The following EXOC1 variants were observed in gnomAD, a reference collection of about 807,000 sequenced individuals.
EXOC1 encodes the protein SEC3-like 1.
Under a neutral mutation model 107.7 loss-of-function variants are expected in EXOC1, and 67 were observed. The observed-to-expected ratio is 0.62, with a 90% CI of 0.51 to 0.76. EXOC1 has a LOEUF of 0.76. Among genes scored for constraint, EXOC1 ranks in the 30% least tolerant of loss-of-function variants. EXOC1 has a pLI of 0.00. For synonymous variants in EXOC1, 348 were observed against 353.5 expected (o/e 0.98, Z 0.17); for missense variants, 833 against 1,055.7 (o/e 0.79, Z 2.92).
intron 2 of EXOC1, among the ~76,000 whole-genome samples, chr4:55,858,753 T>C (rs937235442): frequency 6.6e-6 from 1 of 152,210 alleles, no homozygotes; most frequent in African/African-American, 2.4e-5. Context: ...CTTTTACTCA[T>C]TTTTCTGTTG....
At chr4:55,869,017 A>T (rs1219618177) in intron 5 of EXOC1, among the ~76,000 whole-genome samples, 2 of 152,226 alleles carry the variant, frequency 1.3e-5, no homozygotes, top group Admixed American at 1.3e-4. Flanking sequence ...CTTCTTTGCT[A>T]AAATGTTTTA....
In EXOC1 at chr4:55,860,405, C is replaced by CA. The variant is rs773659699; in HGVS notation, c.125-4dup. 6.2e-6 allele frequency: 10 copies of CA among 1,613,076 alleles called. No homozygotes were observed. The African/African-American group carries it at 1.2e-4, about 19-fold the overall frequency. The stretch of plus-strand genomic sequence containing the variant: ...TTCTAATAAAAGTGTGCGTTTTACT[C>CA]AACAGTGACAACTGAACGCCCTGTG... On this transcript the variant is annotated splice_region_variant and splice_polypyrimidine_tract_variant and intron_variant, in intron 2 of 18. Transcript: ENST00000381295.
At chr4:55,862,974 C>G (rs963936362) in intron 3 of EXOC1, among the ~76,000 whole-genome samples, 1 of 152,126 alleles carries the variant, frequency 6.6e-6, no homozygotes, top group Non-Finnish European at 1.5e-5. Flanking sequence ...AATCTTGGCT[C>G]ACTGCAGCCT....
At chr4:55,878,852 A>G (rs1323524780) in intron 9 of EXOC1, among the ~76,000 whole-genome samples, 1 of 152,200 alleles carries the variant, frequency 6.6e-6, no homozygotes, top group Non-Finnish European at 1.5e-5. Context: ...AAGATGAGCT[A>G]TGGGACCTAC....
intron 3 of EXOC1, among the ~76,000 whole-genome samples, chr4:55,862,047 C>CT (rs1445647998): frequency 6.6e-6 from 1 of 151,334 alleles, no homozygotes; most frequent in South Asian, 2.1e-4. Context: ...GAGTGAGACT[C>CT]TGTCTCCACA....
At chr4:55,883,787 T>C (rs1286564562) in intron 9 of EXOC1, 36 bp from the exon 10 acceptor site, 1 of 1,320,116 alleles carries the variant, frequency 7.6e-7, no homozygotes, top group Non-Finnish European at 1.0e-6. Flanking sequence ...TATATGTGTT[T>C]TATTAATAAG....
chr4:55,904,083 T>C (rs1490669983), intron 18 of EXOC1, among the ~76,000 whole-genome samples: 5 of 151,896 alleles, frequency 3.3e-5, no homozygotes, highest in Non-Finnish European at 5.9e-5. Flanking sequence ...ACATTTCTTA[T>C]TTAATTCTCA....
At chr4:55,885,110 T>C (rs896429110) in intron 10 of EXOC1, among the ~76,000 whole-genome samples, 10 of 152,312 alleles carry the variant, frequency 6.6e-5, no homozygotes, top group African/African-American at 2.4e-4. Flanking sequence ...GTGGATATGT[T>C]ATGCTTTTTT....
At chr4:55,877,284 A>G (rs984370253) in intron 8 of EXOC1, 9 of 985,262 alleles carry the variant, frequency 9.1e-6, no homozygotes, top group African/African-American at 8.7e-5. Flanking sequence ...ATGCTGACAA[A>G]TAACTTCTGG....
At chr4:55,881,675 A>G (rs1208004119) in intron 9 of EXOC1, among the ~76,000 whole-genome samples, 1 of 152,214 alleles carries the variant, frequency 6.6e-6, no homozygotes, top group East Asian at 1.9e-4. Flanking sequence ...TAGGTAGACA[A>G]GCAACAAATG....
intron 2 of EXOC1, among the ~76,000 whole-genome samples, chr4:55,859,382 T>G (rs1004300626): frequency 6.6e-6 from 1 of 152,176 alleles, no homozygotes; most frequent in African/African-American, 2.4e-5. Context: ...TTCTTAGATT[T>G]TATTTGATAG....
rs1722472532 is a variant in EXOC1, at chr4:55,871,851, C to T, written c.967C>T (p.His323Tyr). Residue 323 changes from histidine to tyrosine, a missense_variant and splice_region_variant, in exon 8 of 19, where the codon CAT becomes TAT. By Grantham distance (83) the His-to-Tyr change is moderately conservative. Transcript: ENST00000381295. The stretch of plus-strand genomic sequence containing the variant: ...CACAAAATGTCGTTCTGTGTCAGGC[C>T]ATGACTTGCTTCTGGCAGTCAAACA... ...QCMNVALRPG[H>Y]DLLLAVKQQQ... The T allele has an allele frequency of 6.2e-7, 1 of 1,613,452 alleles. No individual in the cohort carries two copies. Among genetic ancestry groups the T allele is most frequent in the Non-Finnish European group, 8.5e-7 (1 of 1,179,678 alleles).
At position 55,896,685 on chromosome 4, in the gene EXOC1, A is replaced by G. The variant is rs374214376; in HGVS notation, c.1954-32A>G. On this transcript the variant is annotated intron_variant, in intron 15 of 18. Transcript: ENST00000381295. ...TATGTAGTTTTAAAGTTGCTTGGTT[A>G]TTTATCTCCCTTGCTCTCTGCCTAA... 2.6e-4 allele frequency: 399 copies of G among 1,539,006 alleles called. 3 individuals are homozygous for G. In the African/African-American group the frequency reaches 4.2e-3, roughly 16 times the overall value.
chr4:55,869,233 GC>G (rs1486286069), intron 5 of EXOC1, among the ~76,000 whole-genome samples: 1 of 152,082 alleles, frequency 6.6e-6, no homozygotes, highest in Admixed American at 6.5e-5. Context: ...AGACATGGTG[GC>G]ATGCTCCTGT....
At chr4:55,897,937 C>A (rs1254141457) in intron 16 of EXOC1, among the ~76,000 whole-genome samples, 2 of 152,118 alleles carry the variant, frequency 1.3e-5, no homozygotes, top group Non-Finnish European at 2.9e-5. Context: ...TTTTAAAATT[C>A]AAAGTAGCTT....
Position 55,868,365 on chromosome 4 carries a change from G to A in EXOC1, c.445G>A (p.Val149Met), listed in dbSNP as rs902246251. The A allele has an allele frequency of 2.5e-6, 4 of 1,612,694 alleles. No individual in the cohort carries two copies. The highest frequency in any genetic ancestry group is 1.7e-6 in the Non-Finnish European group (2 of 1,179,136). Residue 149 changes from valine to methionine, a missense_variant, in exon 5 of 19, where the codon GTG becomes ATG. Physicochemically the swap from Val to Met is conservative, Grantham distance 21. Coordinates refer to ENST00000381295, the MANE Select transcript of EXOC1 (RefSeq NM_001024924.2). ...TGTTCCAAGTGGAGAAAATCAGAGT[G>A]TGACAGGAGGTGATGAAGAAGTAGT... Reference protein sequence around the residue: ...ESVPSGENQSVTGGDEEVVDE... With the variant: ...ESVPSGENQSMTGGDEEVVDE...
At chr4:55,857,847 T>G (rs1258184240) in intron 1 of EXOC1, among the ~76,000 whole-genome samples, 1 of 152,242 alleles carries the variant, frequency 6.6e-6, no homozygotes, top group Non-Finnish European at 1.5e-5. Context: ...GGGTGTAAAG[T>G]GGTTGATACC....
At chr4:55,884,251 A>G (rs1188112641) in intron 10 of EXOC1, among the ~76,000 whole-genome samples, 2 of 152,328 alleles carry the variant, frequency 1.3e-5, no homozygotes, top group East Asian at 3.9e-4. Context: ...ACTGAGAGAC[A>G]GATGTTGGGA....
At chr4:55,873,380 C>T (rs1722618995) in intron 8 of EXOC1, among the ~76,000 whole-genome samples, 1 of 152,068 alleles carries the variant, frequency 6.6e-6, no homozygotes, top group Admixed American at 6.6e-5. Context: ...ATAGGAAATA[C>T]TAATTCATGT....
Sources: allele counts gnomAD v4.1 joint callset (sites outside exome capture counted in the v4.1 genomes callset), GRCh38; gene constraint gnomAD v4.1.1; transcripts MANE v1.5; gene names NCBI Gene and HGNC (gene_info 2026-07-23, HGNC 2026-07-21).